Variants in BNIP2 observed in about 807,000 individuals in gnomAD.
BNIP2 encodes the protein BCL2/adenovirus E1B 19 kDa protein-interacting protein 2.
Under a neutral mutation model 43.4 loss-of-function variants are expected in BNIP2, and 36 were observed. The observed-to-expected ratio is 0.83, with a 90% CI of 0.64 to 1.10. The LOEUF (loss-of-function observed/expected upper bound fraction) is 1.10. Among genes scored for constraint, BNIP2 ranks in the 50% least tolerant of loss-of-function variants. The probability of loss-of-function intolerance (pLI) is 0.00; values close to 1 mark genes in which losing one functional copy is unlikely to be tolerated. For synonymous variants in BNIP2, 146 were observed against 121.0 expected, an observed-to-expected ratio of 1.21 and a Z score of -1.35; for missense variants, 417 against 374.1, an observed-to-expected ratio of 1.11 and a Z score of -0.95.
intron 2 of BNIP2, among the ~76,000 whole-genome samples, chr15:59,680,995 C>A (rs1893632724): frequency 6.6e-6 from 1 of 152,228 alleles, no homozygotes; most frequent in South Asian, 2.1e-4. Flanking sequence ...TATGCAACAG[C>A]TCTTATACAA....
At position 59,659,732 on chromosome 15, in the gene BNIP2, C is replaced by G. The variant is rs1294446280; in HGVS notation, c.*4337G>C. On this transcript the variant is annotated 3_prime_UTR_variant, in exon 10 of 10. Transcript: ENST00000607373. ...TTTTAACTTCTTGTTAAACATGATT[C>G]TAAGACATCCTACAAGCCTAGTATC... 6.6e-6 allele frequency: 1 copy of G among 152,166 alleles called. No homozygotes were observed. Among genetic ancestry groups the G allele is most frequent in the Non-Finnish European group, 1.5e-5 (1 of 68,042 alleles). The allele number at this position is 152,166 out of a possible 1,614,324, so 9.4% of individuals were successfully genotyped here.
chr15:59,687,890 C>A (rs1428768568), intron 1 of BNIP2, among the ~76,000 whole-genome samples: 2 of 152,158 alleles, frequency 1.3e-5, no homozygotes, highest in African/African-American at 4.8e-5. Flanking sequence ...AATGACACTA[C>A]ATCCTGGTCC....
chr15:59,682,301 T>C, intron 2 of BNIP2, 107 bp downstream of exon 2: 2 of 948,288 alleles, frequency 2.1e-6, no homozygotes, highest in Non-Finnish European at 1.6e-6. Context: ...CACTCCAGCC[T>C]GGGCAACAGA....
intron 9 of BNIP2, chr15:59,668,057 G>A (rs1892670133): frequency 8.2e-7 from 1 of 1,216,140 alleles, no homozygotes; most frequent in Non-Finnish European, 1.1e-6. Context: ...AGTCTGCAAT[G>A]CAAATGGACT....
At chr15:59,687,939 G>C (rs1278542437) in intron 1 of BNIP2, among the ~76,000 whole-genome samples, 1 of 152,132 alleles carries the variant, frequency 6.6e-6, no homozygotes, top group Non-Finnish European at 1.5e-5. Context: ...ACAGCACACC[G>C]TCTCCAGTGC....
chr15:59,679,500 C>T (rs1167713467), intron 4 of BNIP2, 92 bp downstream of exon 4: 2 of 1,354,936 alleles, frequency 1.5e-6, no homozygotes, highest in Admixed American at 2.5e-5. Context: ...ATCTTAGTAA[C>T]AAATATATGA....
intron 2 of BNIP2, among the ~76,000 whole-genome samples, chr15:59,681,928 A>ATT (rs1224209614): frequency 6.6e-6 from 1 of 152,204 alleles, no homozygotes; most frequent in Non-Finnish European, 1.5e-5. Context: ...ATTATAGAAG[A>ATT]TTATATATAT....
chr15:59,668,963 G>T lies in BNIP2; in HGVS notation c.822C>A (p.Tyr274Ter), dbSNP rs140061917. Residue 274 changes from tyrosine to a stop codon, truncating the protein, a stop_gained, in exon 9 of 10, where the codon TAC (tyrosine) becomes TAA (stop). Coordinates refer to ENST00000607373, the MANE Select transcript of BNIP2 (RefSeq NM_004330.4). LOFTEE classifies it high-confidence loss of function. ...CTGCTAGTTCTGCCAAATTAAACACGTATCTAATTTTTTGGCTGAATTTCG... is the reference window on the plus strand; with the variant it reads ...CTGCTAGTTCTGCCAAATTAAACACTTATCTAATTTTTTGGCTGAATTTCG... ...ISSKFSQKIR[Y>*]VFNLAELAEL... The T allele has an allele frequency of 6.2e-7, 1 of 1,613,306 alleles. No individual in the cohort carries two copies.
At chr15:59,673,579 A>T (rs1260604902) in intron 5 of BNIP2, among the ~76,000 whole-genome samples, 1 of 151,990 alleles carries the variant, frequency 6.6e-6, no homozygotes, top group East Asian at 1.9e-4. Flanking sequence ...GCGCACACAA[A>T]CATGCCTGGT....
rs1283578024 is a variant in BNIP2, at chr15:59,659,974, A to G, written c.*4095T>C. 6.6e-6 allele frequency: 1 copy of G among 152,226 alleles called. No homozygotes were observed. The highest frequency in any genetic ancestry group is 6.5e-5 in the Admixed American group (1 of 15,280). The allele number at this position is 152,226 out of a possible 1,614,324, so 9.4% of individuals were successfully genotyped here. The stretch of plus-strand genomic sequence containing the variant: ...TTAGAACTTCAAAGGAAAGTTACAT[A>G]ACTGGGTCTCACCATTGATCTGATT... On this transcript the variant is annotated 3_prime_UTR_variant, in exon 10 of 10. Transcript: ENST00000607373.
At chr15:59,677,328 G>T in intron 5 of BNIP2, 1 of 1,562,038 alleles carries the variant, frequency 6.4e-7, no homozygotes, top group Non-Finnish European at 8.7e-7. Context: ...ATGAGCCCCA[G>T]CGTTCAGAAG....
At chr15:59,676,774 C>G in intron 5 of BNIP2, 1 of 1,493,396 alleles carries the variant, frequency 6.7e-7, no homozygotes, top group African/African-American at 1.4e-5. Context: ...ATGAGCGGAG[C>G]TTTTCGGATA....
chr15:59,674,855 T>G (rs1893167448), intron 5 of BNIP2, among the ~76,000 whole-genome samples: 2 of 152,232 alleles, frequency 1.3e-5, no homozygotes, highest in South Asian at 4.1e-4. Context: ...TGGCTTTTCC[T>G]ATTTCTTAAG....
intron 5 of BNIP2, among the ~76,000 whole-genome samples, chr15:59,672,946 C>A (rs1173635928): frequency 6.6e-6 from 1 of 151,948 alleles, no homozygotes; most frequent in African/African-American, 2.4e-5. Flanking sequence ...TTAAAGAGGA[C>A]GGTGGACAGA....
In BNIP2 at chr15:59,668,950, C is replaced by A. The variant is rs759246515; in HGVS notation, c.835G>T (p.Ala279Ser). 6.2e-7 allele frequency: 1 copy of A among 1,613,516 alleles called. No homozygotes were observed. The highest frequency in any genetic ancestry group is 8.5e-7 in the Non-Finnish European group (1 of 1,179,702). ...SQKIRYVFNL[A>S]ELAELVPMEY... ...ATGGGGACAAGTTCTGCTAGTTCTG[C>A]CAAATTAAACACGTATCTAATTTTT... Residue 279 changes from alanine (A) to serine (S), a missense_variant, in exon 9 of 10, where the codon GCA (alanine) becomes TCA (serine). Coordinates refer to ENST00000607373, the MANE Select transcript of BNIP2 (RefSeq NM_004330.4).
chr15:59,684,739 C>T (rs1219628172), intron 1 of BNIP2, among the ~76,000 whole-genome samples: 3 of 152,124 alleles, frequency 2.0e-5, no homozygotes, highest in South Asian at 2.1e-4. Context: ...ATTATCTTGT[C>T]GTACCTTTTT....
In BNIP2 at chr15:59,663,767, G is replaced by C; in HGVS notation, c.*302C>G. The C allele has an allele frequency of 4.5e-6, 1 of 224,560 alleles. No homozygotes were observed. Among genetic ancestry groups the C allele is most frequent in the Non-Finnish European group, 8.6e-6 (1 of 116,494 alleles). The allele number at this position is 224,560 out of a possible 1,614,324, so 13.9% of individuals were successfully genotyped here. ...TGCATATAAATATTTCACCGAAGAA[G>C]ATGCATCATTCAATAAACAAATGCA... On this transcript the variant is annotated 3_prime_UTR_variant, in exon 10 of 10. Coordinates refer to ENST00000607373, the MANE Select transcript of BNIP2 (RefSeq NM_004330.4).
At chr15:59,666,548 T>A (rs986350434) in intron 9 of BNIP2, among the ~76,000 whole-genome samples, 4 of 152,086 alleles carry the variant, frequency 2.6e-5, no homozygotes, top group African/African-American at 9.7e-5. Flanking sequence ...GTGCCTGTAA[T>A]CCCAGCTACT....
rs546767768 is a variant in BNIP2 at position 59,669,777 on chromosome 15, T to C, written c.708-415A>G. Among the ~76,000 whole-genome samples, 4 of 152,306 alleles carry C rather than the reference T, an allele frequency of 2.6e-5. No individual in the cohort carries two copies. In the South Asian group the frequency reaches 8.3e-4, roughly 32 times the overall value. ...GGCAGAGAAGTGTGAGTGGAGAAGATGACCACAGGAACAAAAACAAATCAG... is the reference window on the plus strand; with the variant it reads ...GGCAGAGAAGTGTGAGTGGAGAAGACGACCACAGGAACAAAAACAAATCAG... On this transcript the variant is annotated intron_variant, in intron 7 of 9. Transcript: ENST00000607373.
Sources: gnomAD v4.1 joint callset for allele counts (sites outside exome capture counted in the v4.1 genomes callset) on GRCh38, gnomAD v4.1.1 for gene constraint, MANE v1.5 for transcripts, NCBI Gene and HGNC (gene_info 2026-07-23, HGNC 2026-07-21) for gene names.